Variants in FGF14 observed in about 807,000 individuals in gnomAD.
FGF14 encodes fibroblast growth factor homologous factor 4.
A neutral mutation model predicts 25.5 loss-of-function variants in FGF14; 5 were observed. The ratio of observed to expected loss-of-function variants is 0.20; its 90% CI spans 0.10 to 0.41. The LOEUF (loss-of-function observed/expected upper bound fraction) is 0.41, where lower values mean the gene tolerates loss of function less well. Ranked by LOEUF, FGF14 falls within the 10% of genes least tolerant of loss-of-function variation. The pLI, the probability that FGF14 is intolerant of heterozygous loss-of-function variation, is 1.00. For missense variants in FGF14, 222 were observed against 320.1 expected, an observed-to-expected ratio of 0.69 and a Z score of 2.34; for synonymous variants, 138 against 118.3, an observed-to-expected ratio of 1.17 and a Z score of -1.08.
chr13:102,103,037 A>T (rs1035241500), intron 1 of FGF14, among the ~76,000 whole-genome samples: 2 of 152,110 alleles, frequency 1.3e-5, no homozygotes, highest in African/African-American at 2.4e-5. Context: ...CAAAAAGTCC[A>T]TTTTTTCAGA....
At chr13:102,163,838 C>A (rs189013728) in intron 1 of FGF14, among the ~76,000 whole-genome samples, 18 of 152,104 alleles carry the variant, frequency 1.2e-4, no homozygotes, top group Admixed American at 5.2e-4. Flanking sequence ...ACTTGCCCCC[C>A]CCAGAAAACA....
chr13:102,048,812 T>C (rs925438290), intron 1 of FGF14, among the ~76,000 whole-genome samples: 2 of 152,166 alleles, frequency 1.3e-5, no homozygotes, highest in African/African-American at 4.8e-5. Flanking sequence ...GCACATTCCT[T>C]ATGTTATTTA....
At chr13:102,077,777 A>T (rs2043430834) in intron 1 of FGF14, among the ~76,000 whole-genome samples, 1 of 152,166 alleles carries the variant, frequency 6.6e-6, no homozygotes, top group South Asian at 2.1e-4. Context: ...CAGCAATCCC[A>T]CTACTGGGTC....
intron 1 of FGF14, among the ~76,000 whole-genome samples, chr13:102,090,439 G>T (rs2044113830): frequency 6.7e-6 from 1 of 150,308 alleles, no homozygotes; most frequent in African/African-American, 2.4e-5. Flanking sequence ...GCAGTCAATC[G>T]CCATATCTAT....
At chr13:101,983,700 T>C (rs1373289812) in intron 1 of FGF14, among the ~76,000 whole-genome samples, 1 of 152,160 alleles carries the variant, frequency 6.6e-6, no homozygotes, top group African/African-American at 2.4e-5. Flanking sequence ...ACCAGTGACC[T>C]TGAGTTAGTA....
chr13:101,956,875 CT>C (rs1477249844), intron 1 of FGF14, among the ~76,000 whole-genome samples: 1 of 151,576 alleles, frequency 6.6e-6, no homozygotes, highest in African/African-American at 2.4e-5. Context: ...GACGTCCTTC[CT>C]TTGTTTTTGT....
At chr13:102,395,719 C>T (rs2058565246) in intron 1 of FGF14, 2 of 152,148 alleles carry the variant, frequency 1.3e-5, no homozygotes, top group African/African-American at 4.8e-5. Context: ...GTGTCGTGAA[C>T]AGAGTTTTTG....
intron 1 of FGF14, among the ~76,000 whole-genome samples, chr13:102,332,876 A>G (rs2056675703): frequency 6.6e-6 from 1 of 152,208 alleles, no homozygotes; most frequent in African/African-American, 2.4e-5. Flanking sequence ...ATACTTCTCA[A>G]TAAATAGCTC....
chr13:101,755,820 T>C (rs901463910), intron 3 of FGF14, among the ~76,000 whole-genome samples: 1 of 152,202 alleles, frequency 6.6e-6, no homozygotes, highest in Non-Finnish European at 1.5e-5. Context: ...ATGTCAGCTT[T>C]AGGCTGGGTT....
intron 1 of FGF14, among the ~76,000 whole-genome samples, chr13:102,396,264 G>C (rs1160341682): frequency 2.0e-5 from 3 of 152,112 alleles, no homozygotes; most frequent in Admixed American, 2.0e-4. Context: ...GGGCTCAAAG[G>C]TTTTATTAAA....
At chr13:101,890,653 A>G (rs9557751) in intron 1 of FGF14, among the ~76,000 whole-genome samples, 60,984 of 152,054 alleles carry the variant, frequency 0.4, 13,788 homozygotes, top group African/African-American at 0.6. Context: ...CAGTCAAGGA[A>G]CAGAATTTAC....
At chr13:102,114,641 A>C (rs2045383223) in intron 1 of FGF14, among the ~76,000 whole-genome samples, 1 of 152,224 alleles carries the variant, frequency 6.6e-6, no homozygotes, top group African/African-American at 2.4e-5. Flanking sequence ...ATACAATGGA[A>C]TACCATTCGG....
chr13:102,305,086 G>A (rs2055299846), intron 1 of FGF14, among the ~76,000 whole-genome samples: 3 of 152,120 alleles, frequency 2.0e-5, no homozygotes, highest in African/African-American at 7.2e-5. Flanking sequence ...CTATGACAAA[G>A]AAAATTGTGT....
chr13:102,254,759 C>T (rs1444927069), intron 1 of FGF14, among the ~76,000 whole-genome samples: 2 of 152,148 alleles, frequency 1.3e-5, no homozygotes, highest in Admixed American at 6.5e-5. Flanking sequence ...GTTATAACAA[C>T]TAAAAATGTA....
Position 102,391,793 on chromosome 13 carries a change from G to A in FGF14, c.208+9678C>T, listed in dbSNP as rs909430910. The stretch of plus-strand genomic sequence containing the variant: ...AATAAAATGCTAAGGCCAAATGATG[G>A]TTACTACTGAGTGCTTACGTAGAAA... On this transcript the variant is annotated intron_variant, in intron 1 of 4. Transcript: ENST00000376131. Among the ~76,000 whole-genome samples the A allele has an allele frequency of 2.0e-5, 3 of 152,192 alleles. No homozygotes were observed. The East Asian group carries it at 5.8e-4, about 29-fold the overall frequency.
intron 3 of FGF14, among the ~76,000 whole-genome samples, chr13:101,843,113 A>G (rs1219224275): frequency 6.6e-6 from 1 of 152,092 alleles, no homozygotes; most frequent in African/African-American, 2.4e-5. Context: ...GAGTTCTAAA[A>G]TTAGCAAGCA....
At chr13:102,206,338 T>A (rs1402248159) in intron 1 of FGF14, among the ~76,000 whole-genome samples, 1 of 152,146 alleles carries the variant, frequency 6.6e-6, no homozygotes. Flanking sequence ...AATAAATAAA[T>A]AAATAAGCCA....
At chr13:101,775,784 C>G (rs1337425300) in intron 3 of FGF14, among the ~76,000 whole-genome samples, 1 of 152,078 alleles carries the variant, frequency 6.6e-6, no homozygotes, top group Admixed American at 6.6e-5. Context: ...CCAGTGTGTG[C>G]TTTCATTTGA....
chr13:102,401,133 G>A (rs1160767541), intron 1 of FGF14, among the ~76,000 whole-genome samples: 2 of 151,870 alleles, frequency 1.3e-5, no homozygotes, highest in Non-Finnish European at 2.9e-5. Flanking sequence ...GGCAACTACC[G>A]AAGCTTCAGC....
Sources: gnomAD v4.1 joint callset for allele counts (sites outside exome capture counted in the v4.1 genomes callset) on GRCh38, gnomAD v4.1.1 for gene constraint, MANE v1.5 for transcripts, NCBI Gene and HGNC (gene_info 2026-07-23, HGNC 2026-07-21) for gene names.